Variants in AGAP1 observed in about 807,000 individuals in gnomAD.
The protein encoded by AGAP1 is ArfGAP with GTPase domain, ankyrin repeat and PH domain 1, also known as arf-GAP with GTPase, ANK repeat and PH domain-containing protein 1.
In AGAP1, 29 loss-of-function variants were observed where a neutral mutation model predicts 105.3. That is an observed-to-expected ratio of 0.28 (90% CI 0.21 to 0.38). The LOEUF (loss-of-function observed/expected upper bound fraction) is 0.38. AGAP1 is among the 10% of genes least tolerant of loss of function. AGAP1 has a pLI of 1.00. For synonymous variants in AGAP1, 509 were observed against 485.9 expected, an observed-to-expected ratio of 1.05 and a Z score of -0.63; for missense variants, 998 against 1,165.1, an observed-to-expected ratio of 0.86 and a Z score of 2.09.
Position 235,631,218 on chromosome 2 carries a change from G to C in AGAP1, c.164-77961G>C, listed in dbSNP as rs186397620. Among the ~76,000 whole-genome samples, 10 of 152,292 alleles carry C rather than the reference G, an allele frequency of 6.6e-5. No homozygotes were observed. The East Asian group carries it at 1.9e-3, about 29-fold the overall frequency. On this transcript the variant is annotated intron_variant, in intron 1 of 17. Coordinates refer to ENST00000304032, the MANE Select transcript of AGAP1 (RefSeq NM_001037131.3). This position sits in a 1 kb window ranked among gnomAD's most constrained non-coding sequence, Gnocchi z 5.4. ...AGAGCCTCCTTCCAGTGGGTAAATG[G>C]CAAACTCGATAACTGGAATGCTGTC...
intron 12 of AGAP1, among the ~76,000 whole-genome samples, chr2:235,941,235 C>T (rs753590719): frequency 6.6e-6 from 1 of 152,080 alleles, no homozygotes; most frequent in Non-Finnish European, 1.5e-5. Context: ...GGTTTTCCTC[C>T]CTCGGATCAT....
At position 235,556,737 on chromosome 2, in the gene AGAP1, T is replaced by C. The variant is rs1309518499; in HGVS notation, c.163+61888T>C. Among the ~76,000 whole-genome samples, 5 of 152,222 alleles carry C rather than the reference T, an allele frequency of 3.3e-5. No individual in the cohort carries two copies. The highest frequency in any genetic ancestry group is 9.6e-5 in the African/African-American group (4 of 41,466). On this transcript the variant is annotated intron_variant, in intron 1 of 17. Transcript: ENST00000304032. This position sits in a 1 kb window ranked among gnomAD's most constrained non-coding sequence, Gnocchi z 5.3. ...GCCTTAGAAAGTACAGTAAGATGAA[T>C]ATTAAACTTTTCAGACTGTAAGATC...
rs2057510117 is a variant in AGAP1, at chr2:236,040,372, A to T, written c.1801-379A>T. Among the ~76,000 whole-genome samples the T allele has an allele frequency of 6.6e-6, 1 of 152,030 alleles. No homozygotes were observed. The highest frequency in any genetic ancestry group is 2.4e-5 in the African/African-American group (1 of 41,380). On this transcript the variant is annotated intron_variant, in intron 14 of 17. Coordinates refer to ENST00000304032, the MANE Select transcript of AGAP1 (RefSeq NM_001037131.3). This position sits in a 1 kb window ranked among gnomAD's most constrained non-coding sequence, Gnocchi z 5.6. ...GCCCTAACCCTGGGCTTATAAACGG[A>T]TTATTTCTTTCTCATTCTTCTTACC...
chr2:235,604,196 A>G (rs1945837972), intron 1 of AGAP1, among the ~76,000 whole-genome samples: 1 of 152,168 alleles, frequency 6.6e-6, no homozygotes, highest in Non-Finnish European at 1.5e-5. Flanking sequence ...TGGCATATAT[A>G]AAAAGAATAG....
rs1029407281 is a variant in AGAP1 at position 235,692,136 on chromosome 2, C to T, written c.164-17043C>T. Among the ~76,000 whole-genome samples the T allele has an allele frequency of 6.6e-6, 1 of 152,174 alleles. No homozygotes were observed. Among genetic ancestry groups the T allele is most frequent in the Non-Finnish European group, 1.5e-5 (1 of 68,032 alleles). On this transcript the variant is annotated intron_variant, in intron 1 of 17. Transcript: ENST00000304032. This position sits in a 1 kb window ranked among gnomAD's most constrained non-coding sequence, Gnocchi z 5.8. ...AATATTCATCTAAGAAGCTTTTGTACATGCGTTATGTATCCATAAGCCAAA... is the reference window on the plus strand; with the variant it reads ...AATATTCATCTAAGAAGCTTTTGTATATGCGTTATGTATCCATAAGCCAAA...
rs1203061979 is a variant in AGAP1 at position 235,569,148 on chromosome 2, CT to C, written c.163+74300del. 6.6e-6 allele frequency among the ~76,000 whole-genome samples: 1 copy of C among 152,176 alleles called. No homozygotes were observed. The highest frequency in any genetic ancestry group is 2.4e-5 in the African/African-American group (1 of 41,438). ...TGGCCAACATGGCGGAAACCCGTCT[CT>C]ATTAAAAGTATAAAAATTAGCTGGG... On this transcript the variant is annotated intron_variant, in intron 1 of 17. Transcript: ENST00000304032. This position sits in a 1 kb window ranked among gnomAD's most constrained non-coding sequence, Gnocchi z 5.9.
chr2:235,894,600 CAT>C (rs1289966216), intron 10 of AGAP1, among the ~76,000 whole-genome samples: 1 of 149,216 alleles, frequency 6.7e-6, no homozygotes, highest in East Asian at 2.0e-4. Context: ...TACACACACA[CAT>C]ACACACACAC....
chr2:236,028,665 C>T (rs1435508689), intron 13 of AGAP1, among the ~76,000 whole-genome samples: 1 of 152,110 alleles, frequency 6.6e-6, no homozygotes, highest in African/African-American at 2.4e-5. Flanking sequence ...ATGTGAATGT[C>T]TTTATCTTCC....
intron 11 of AGAP1, among the ~76,000 whole-genome samples, chr2:235,925,707 C>T (rs1443441966): frequency 3.3e-5 from 5 of 152,156 alleles, no homozygotes; most frequent in African/African-American, 4.8e-5. Context: ...TCGGCGGCCA[C>T]GTGGGTTTAG....
At chr2:235,903,813 G>A (rs1356562340) in intron 10 of AGAP1, among the ~76,000 whole-genome samples, 1 of 152,106 alleles carries the variant, frequency 6.6e-6, no homozygotes, top group Non-Finnish European at 1.5e-5. Context: ...GGAGCCAAGT[G>A]TTACTCATTT....
chr2:235,764,437 A>ATCCATGTTT (rs1042071114), intron 6 of AGAP1, among the ~76,000 whole-genome samples: 3 of 152,172 alleles, frequency 2.0e-5, no homozygotes, highest in African/African-American at 7.2e-5. Flanking sequence ...GGTCACGTAG[A>ATCCATGTTT]TCCATGTTTC....
intron 12 of AGAP1, among the ~76,000 whole-genome samples, chr2:235,945,298 G>A (rs184839995): frequency 1.3e-5 from 2 of 152,006 alleles, no homozygotes; most frequent in Non-Finnish European, 2.9e-5. Flanking sequence ...GTTGGGGGGG[G>A]GTTCACCGTG....
intron 1 of AGAP1, among the ~76,000 whole-genome samples, chr2:235,604,931 A>T (rs1447032914): frequency 2.0e-5 from 3 of 151,362 alleles, no homozygotes; most frequent in South Asian, 4.2e-4. Context: ...CCCGGGCTGG[A>T]GGGCAGTGGC....
At chr2:235,763,872 C>A (rs981343435) in intron 6 of AGAP1, among the ~76,000 whole-genome samples, 12 of 152,236 alleles carry the variant, frequency 7.9e-5, no homozygotes, top group African/African-American at 2.9e-4. Flanking sequence ...GGGACCCAGG[C>A]AGTCCTTGCT....
At chr2:235,603,277 G>A (rs1945798545) in intron 1 of AGAP1, among the ~76,000 whole-genome samples, 1 of 152,130 alleles carries the variant, frequency 6.6e-6, no homozygotes, top group African/African-American at 2.4e-5. Context: ...ATGATTGTGA[G>A]GCCTCCCCAG....
chr2:235,783,798 G>A (rs962613377), intron 6 of AGAP1, among the ~76,000 whole-genome samples: 8 of 152,058 alleles, frequency 5.3e-5, no homozygotes, highest in Admixed American at 1.3e-4. Context: ...TGGGTTACAC[G>A]GCATCTGTCA....
At chr2:235,496,053 C>T (rs1057197086) in intron 1 of AGAP1, among the ~76,000 whole-genome samples, 1 of 152,216 alleles carries the variant, frequency 6.6e-6, no homozygotes, top group African/African-American at 2.4e-5. Flanking sequence ...TTTGCCTTGG[C>T]ACTATGTAGT....
rs140580993 is a variant in AGAP1, at chr2:235,700,801, G to GTC, written c.164-8360_164-8359dup. 1.2e-3 allele frequency among the ~76,000 whole-genome samples: 179 copies of GTC among 147,458 alleles called. No individual in the cohort carries two copies. The highest frequency in any genetic ancestry group is 5.6e-3 in the South Asian group (26 of 4,680). ...GGCGACAAAGCGAGAATCTGTCTCT[G>GTC]TCTCTCTCTCTCTCTCTCTGTGTAT... On this transcript the variant is annotated intron_variant, in intron 1 of 17. Coordinates refer to ENST00000304032, the MANE Select transcript of AGAP1 (RefSeq NM_001037131.3). This position sits in a 1 kb window ranked among gnomAD's most constrained non-coding sequence, Gnocchi z 6.1.
chr2:235,497,549 C>G (rs1941371108), intron 1 of AGAP1, among the ~76,000 whole-genome samples: 1 of 152,248 alleles, frequency 6.6e-6, no homozygotes, highest in African/African-American at 2.4e-5. Context: ...TGTGCATACA[C>G]AGAATTGGGG....
Sources: allele counts gnomAD v4.1 joint callset (sites outside exome capture counted in the v4.1 genomes callset), GRCh38; gene constraint gnomAD v4.1.1; non-coding constraint Gnocchi (gnomAD v3.1); transcripts MANE v1.5; gene names NCBI Gene and HGNC (gene_info 2026-07-23, HGNC 2026-07-21).